The following DPYD variants were observed in gnomAD, a reference collection of about 807,000 sequenced individuals.
DPYD encodes the protein dihydropyrimidine dehydrogenase.
A neutral mutation model predicts 116.2 loss-of-function variants in DPYD; 109 were observed. That is an observed-to-expected ratio of 0.94 (90% CI 0.80 to 1.10). The LOEUF is 1.10. Ranked by LOEUF, DPYD falls within the 50% of genes least tolerant of loss-of-function variation. The pLI, the probability that DPYD is intolerant of heterozygous loss-of-function variation, is 0.00. For synonymous variants in DPYD, 440 were observed against 432.0 expected (o/e 1.02, Z -0.23); for missense variants, 1,302 against 1,254.5 (o/e 1.04, Z -0.57).
At chr1:97,397,452 T>C (rs1208194278) in intron 14 of DPYD, among the ~76,000 whole-genome samples, 1 of 152,050 alleles carries the variant, frequency 6.6e-6, no homozygotes, top group Non-Finnish European at 1.5e-5. Flanking sequence ...ATGACACGTA[T>C]CCATTGTTTT....
intron 14 of DPYD, among the ~76,000 whole-genome samples, chr1:97,420,938 C>A (rs1402116435): frequency 1.3e-5 from 2 of 152,158 alleles, no homozygotes; most frequent in South Asian, 2.1e-4. Context: ...CTCATCTGCA[C>A]ATAGTTTTCT....
intron 1 of DPYD, among the ~76,000 whole-genome samples, chr1:97,905,399 A>G (rs1230628740): frequency 6.6e-6 from 1 of 152,048 alleles, no homozygotes; most frequent in Non-Finnish European, 1.5e-5. Context: ...AATGTCCTTC[A>G]GTCAAGGGCT....
chr1:97,498,568 T>C (rs1679402216), intron 13 of DPYD, among the ~76,000 whole-genome samples: 1 of 151,508 alleles, frequency 6.6e-6, no homozygotes, highest in South Asian at 2.1e-4. Context: ...CAACAGATAA[T>C]TGCATAAAAT....
At chr1:97,751,111 A>G (rs1664852036) in intron 3 of DPYD, among the ~76,000 whole-genome samples, 1 of 152,052 alleles carries the variant, frequency 6.6e-6, no homozygotes, top group Non-Finnish European at 1.5e-5. Context: ...ATGTCTCCAC[A>G]TATTAGCTGT....
intron 13 of DPYD, among the ~76,000 whole-genome samples, chr1:97,490,811 C>T (rs991112620): frequency 1.4e-5 from 2 of 143,130 alleles, no homozygotes; most frequent in African/African-American, 5.2e-5. Flanking sequence ...AATACTATTG[C>T]CCTGAAATGT....
At chr1:97,237,045 G>A (rs913056743) in intron 18 of DPYD, among the ~76,000 whole-genome samples, 1 of 151,806 alleles carries the variant, frequency 6.6e-6, no homozygotes, top group East Asian at 1.9e-4. Context: ...TTTGAGACCA[G>A]CCTGGCCAAC....
chr1:97,393,297 T>G lies in DPYD; in HGVS notation c.1906-10836A>C, dbSNP rs549201590. Among the ~76,000 whole-genome samples the G allele has an allele frequency of 3.3e-5, 5 of 152,070 alleles. No homozygotes were observed. In the East Asian group the frequency reaches 7.8e-4, roughly 24 times the overall value. ...TTGTTAAATAGCCTATTTTCTTTTT[T>G]TTTTAAATTATTATACTTTAAGTTC... is the stretch of plus-strand genomic sequence containing the variant. On this transcript the variant is annotated intron_variant, in intron 14 of 22. Coordinates refer to ENST00000370192, the MANE Select transcript of DPYD (RefSeq NM_000110.4).
chr1:97,140,022 ATTTT>A (rs796701262), intron 20 of DPYD, among the ~76,000 whole-genome samples: 1 of 146,620 alleles, frequency 6.8e-6, no homozygotes, highest in Non-Finnish European at 1.5e-5. Context: ...GGCAACTGAC[ATTTT>A]TTTTTTTTTT....
intron 3 of DPYD, among the ~76,000 whole-genome samples, chr1:97,791,237 C>T (rs1465568205): frequency 6.6e-6 from 1 of 152,102 alleles, no homozygotes; most frequent in Non-Finnish European, 1.5e-5. Context: ...GTCAGAGAAC[C>T]TAAAAATCAT....
chr1:97,539,425 T>C (rs1049252480), intron 12 of DPYD, among the ~76,000 whole-genome samples: 4 of 152,176 alleles, frequency 2.6e-5, no homozygotes, highest in Admixed American at 6.5e-5. Context: ...TTATTTGAAT[T>C]TCTACCTCTA....
intron 8 of DPYD, among the ~76,000 whole-genome samples, chr1:97,610,892 C>T (rs868014531): frequency 1.3e-5 from 2 of 151,890 alleles, no homozygotes; most frequent in African/African-American, 4.8e-5. Context: ...TGCAAAGTAA[C>T]CGTGATGTCA....
intron 13 of DPYD, among the ~76,000 whole-genome samples, chr1:97,464,817 G>A (rs1385409191): frequency 2.6e-5 from 4 of 152,160 alleles, no homozygotes; most frequent in Non-Finnish European, 5.9e-5. Flanking sequence ...AGTGCAGAAG[G>A]GAAATGTGAC....
At chr1:97,659,890 T>C (rs568300168) in intron 8 of DPYD, among the ~76,000 whole-genome samples, 1 of 152,252 alleles carries the variant, frequency 6.6e-6, no homozygotes, top group African/African-American at 2.4e-5. Context: ...CATATGGTCA[T>C]CTGATTTTGA....
rs58926889 is a variant in DPYD, at chr1:97,237,241, C to CAAAAA, written c.2300-2252_2300-2248dup. Among the ~76,000 whole-genome samples, 238 of 57,650 alleles carry CAAAAA rather than the reference C, an allele frequency of 4.1e-3. 10 individuals are homozygous for CAAAAA. Among genetic ancestry groups the CAAAAA allele is most frequent in the Non-Finnish European group, 5.4e-3 (157 of 29,034 alleles). 37.8% of individuals were successfully genotyped at this position (57,650 alleles called of 152,430 possible). A position where few individuals can be genotyped will look rare whatever the true frequency, so the allele number is the denominator to read the frequency against. ...GGGCAACAAGAGCAAGATTCTGTCT[C>CAAAAA]AAAAAAAAAAAAAAAAAAAAAAAAA... is the stretch of plus-strand genomic sequence containing the variant. On this transcript the variant is annotated intron_variant, in intron 18 of 22. Coordinates refer to ENST00000370192, the MANE Select transcript of DPYD (RefSeq NM_000110.4).
chr1:97,420,611 G>A (rs568539245), intron 14 of DPYD, among the ~76,000 whole-genome samples: 5 of 151,862 alleles, frequency 3.3e-5, no homozygotes, highest in South Asian at 2.1e-4. Context: ...AAGCATAAAC[G>A]GCCTTTCGTA....
chr1:97,737,581 C>G (rs2101063313), intron 4 of DPYD, among the ~76,000 whole-genome samples: 1 of 152,140 alleles, frequency 6.6e-6, no homozygotes, highest in East Asian at 1.9e-4. Context: ...TGGAAATGAT[C>G]AATATTTTGT....
At chr1:97,247,835 A>T (rs908844426) in intron 18 of DPYD, among the ~76,000 whole-genome samples, 1 of 152,226 alleles carries the variant, frequency 6.6e-6, no homozygotes, top group Non-Finnish European at 1.5e-5. Context: ...TTAAAAATAG[A>T]TCCATAACTA....
chr1:97,620,200 T>A (rs115107427), intron 8 of DPYD, among the ~76,000 whole-genome samples: 1 of 152,128 alleles, frequency 6.6e-6, no homozygotes, highest in African/African-American at 2.4e-5. Context: ...GGCATTTACA[T>A]TTTCTTTTTG....
intron 18 of DPYD, among the ~76,000 whole-genome samples, chr1:97,261,622 A>G (rs920658006): frequency 4.0e-5 from 6 of 151,584 alleles, no homozygotes; most frequent in African/African-American, 1.5e-4. Context: ...TTGAGATGGC[A>G]GTTCCAAAAT....
Sources: gnomAD v4.1 joint callset for allele counts (sites outside exome capture counted in the v4.1 genomes callset) on GRCh38, gnomAD v4.1.1 for gene constraint, MANE v1.5 for transcripts, NCBI Gene and HGNC (gene_info 2026-07-23, HGNC 2026-07-21) for gene names.